MBP: variants seen among roughly 807,000 people sequenced by gnomAD.
MBP encodes Golli-MBP.
Under a neutral mutation model 35.8 loss-of-function variants are expected in MBP, and 16 were observed. That is an observed-to-expected ratio of 0.45 (90% CI 0.30 to 0.68). MBP has a LOEUF of 0.68. Among genes scored for constraint, MBP ranks in the 30% least tolerant of loss-of-function variants. The pLI, the probability that MBP is intolerant of heterozygous loss-of-function variation, is 0.08. For missense variants in MBP, 380 were observed against 404.7 expected, an observed-to-expected ratio of 0.94 and a Z score of 0.52; for synonymous variants, 143 against 159.6, an observed-to-expected ratio of 0.90 and a Z score of 0.78.
chr18:77,048,147 C>T (rs1973330990), intron 3 of MBP, among the ~76,000 whole-genome samples: 1 of 152,244 alleles, frequency 6.6e-6, no homozygotes, highest in Admixed American at 6.5e-5. Context: ...CCTCCTTCCA[C>T]ACACAGCACC....
At chr18:77,119,981 C>A (rs1484941063) in intron 1 of MBP, among the ~76,000 whole-genome samples, 1 of 152,184 alleles carries the variant, frequency 6.6e-6, no homozygotes, top group Admixed American at 6.5e-5. Context: ...CAGGCCACCC[C>A]CAGGTGACTC....
At position 76,989,454 on chromosome 18, in the gene MBP, C is replaced by T. The variant is rs942514807; in HGVS notation, c.681+502G>A. 3.3e-5 allele frequency among the ~76,000 whole-genome samples: 5 copies of T among 152,204 alleles called. No individual in the cohort carries two copies. The highest frequency in any genetic ancestry group is 7.3e-5 in the Non-Finnish European group (5 of 68,032). On this transcript the variant is annotated intron_variant, in intron 5 of 8. Coordinates refer to ENST00000355994, the MANE Select transcript of MBP (RefSeq NM_001025101.2). The surrounding 1 kb of genome is among the most constrained non-coding windows in gnomAD (Gnocchi z 4.0). ...AAAACTGTGCAGAAATTAGTTTCCA[C>T]ATACCCCGAACAGTTTCCCTTATTA...
At chr18:77,066,524 C>T (rs1974206460) in intron 2 of MBP, 139 bp from the exon 3 acceptor site, 1 of 784,324 alleles carries the variant, frequency 1.3e-6, no homozygotes, top group South Asian at 1.4e-5. Context: ...GAATATAGAG[C>T]CTTGGTTCAG....
At chr18:76,983,956 A>G (rs470213) in intron 8 of MBP, 143,571 of 152,318 alleles carry the variant, frequency 0.94, 68,148 homozygotes, top group East Asian at 1. Flanking sequence ...CAGCCCCAGA[A>G]GCCTGGTCTC....
At chr18:77,048,500 G>A (rs1377280463) in intron 3 of MBP, among the ~76,000 whole-genome samples, 5 of 152,010 alleles carry the variant, frequency 3.3e-5, no homozygotes, top group Non-Finnish European at 2.9e-5. Flanking sequence ...ATGGAGTCTC[G>A]CTCTGTCGCC....
At chr18:77,071,363 A>C (rs925606776) in intron 2 of MBP, among the ~76,000 whole-genome samples, 1 of 151,874 alleles carries the variant, frequency 6.6e-6, no homozygotes, top group Non-Finnish European at 1.5e-5. Context: ...CCCTTAAAAA[A>C]TGCTGCATTT....
intron 4 of MBP, among the ~76,000 whole-genome samples, chr18:76,995,275 T>A (rs1792176357): frequency 1.3e-5 from 2 of 152,250 alleles, no homozygotes; most frequent in Non-Finnish European, 2.9e-5. Flanking sequence ...CAAATCGATC[T>A]ACAGGTTTAA....
intron 3 of MBP, among the ~76,000 whole-genome samples, chr18:77,023,055 A>G (rs1318552590): frequency 6.6e-6 from 1 of 152,226 alleles, no homozygotes; most frequent in East Asian, 1.9e-4. Context: ...AATTGCAGGA[A>G]AACTTCCTTA....
chr18:77,029,288 GCAATCGCAGGC>G (rs1972435107), intron 3 of MBP, among the ~76,000 whole-genome samples: 1 of 150,078 alleles, frequency 6.7e-6, no homozygotes, highest in Non-Finnish European at 1.5e-5. Context: ...GCGCGCGCCT[GCAATCGCAGGC>G]ACTCGGCAGG....
intron 1 of MBP, among the ~76,000 whole-genome samples, chr18:77,118,295 T>A (rs1020042002): frequency 2.6e-5 from 4 of 151,802 alleles, no homozygotes; most frequent in African/African-American, 9.7e-5. Flanking sequence ...CTAGGGTGGA[T>A]TGGCCTCAGC....
intron 1 of MBP, among the ~76,000 whole-genome samples, chr18:77,126,639 G>A (rs926021583): frequency 5.9e-5 from 9 of 152,062 alleles, no homozygotes; most frequent in African/African-American, 2.2e-4. Flanking sequence ...ACAATCCCAA[G>A]AAATCTACCA....
chr18:77,080,809 G>A lies in MBP; in HGVS notation c.52-14424C>T, dbSNP rs538937530. ...AGCAATTCTCCTGCCTCAGCCTCCCGAGTAGCTGGATTACAGGTGCTCGCC... is the reference window on the plus strand; with the variant it reads ...AGCAATTCTCCTGCCTCAGCCTCCCAAGTAGCTGGATTACAGGTGCTCGCC... On this transcript the variant is annotated intron_variant, in intron 2 of 8. Transcript: ENST00000355994. 6.6e-5 allele frequency among the ~76,000 whole-genome samples: 10 copies of A among 152,038 alleles called. No homozygotes were observed. The East Asian group carries it at 1.5e-3, about 24-fold the overall frequency.
At chr18:77,116,917 A>T (rs1374119579) in intron 1 of MBP, among the ~76,000 whole-genome samples, 1 of 152,136 alleles carries the variant, frequency 6.6e-6, no homozygotes, top group Non-Finnish European at 1.5e-5. Flanking sequence ...ACACAAGTCC[A>T]CACAGCAGGA....
intron 4 of MBP, chr18:77,015,208 C>T (rs185098399): frequency 4.1e-6 from 4 of 985,288 alleles, no homozygotes; most frequent in Admixed American, 6.1e-5. Context: ...TCACATGAAG[C>T]TTATTTTATA....
intron 2 of MBP, among the ~76,000 whole-genome samples, chr18:77,066,739 G>A (rs1464720328): frequency 3.3e-5 from 5 of 152,260 alleles, no homozygotes; most frequent in South Asian, 4.1e-4. Flanking sequence ...GACACTGTGC[G>A]GCAGAACTGA....
intron 3 of MBP, among the ~76,000 whole-genome samples, chr18:77,055,802 A>C (rs1973696238): frequency 6.6e-6 from 1 of 152,204 alleles, no homozygotes. Context: ...CACACTGGAG[A>C]GTTCAACCCC....
chr18:77,123,056 A>G (rs1356819398), intron 1 of MBP, among the ~76,000 whole-genome samples: 1 of 152,232 alleles, frequency 6.6e-6, no homozygotes, highest in African/African-American at 2.4e-5. Flanking sequence ...CAAGAATGAC[A>G]TCTATTTTCT....
chr18:77,016,008 C>G, intron 4 of MBP: 1 of 985,356 alleles, frequency 1.0e-6, no homozygotes, highest in Non-Finnish European at 1.2e-6. Context: ...ACACAACCAC[C>G]AAACACTCTA....
chr18:76,997,104 C>T (rs768663691), intron 4 of MBP, among the ~76,000 whole-genome samples: 3 of 152,162 alleles, frequency 2.0e-5, no homozygotes, highest in African/African-American at 4.8e-5. Flanking sequence ...TGGCTGCAAC[C>T]CTCATCTGGC....
Sources: allele counts gnomAD v4.1 joint callset (sites outside exome capture counted in the v4.1 genomes callset), GRCh38; gene constraint gnomAD v4.1.1; non-coding constraint Gnocchi (gnomAD v3.1); transcripts MANE v1.5; gene names NCBI Gene and HGNC (gene_info 2026-07-23, HGNC 2026-07-21).